HUWE1: variants seen among roughly 807,000 people sequenced by gnomAD.
HUWE1 encodes E3 ubiquitin-protein ligase HUWE1.
HUWE1 carries 18 observed loss-of-function variants against 299.4 expected under a neutral mutation model. The observed-to-expected ratio is 0.06, with a 90% CI of 0.04 to 0.09. The LOEUF is 0.09. HUWE1 is among the 10% of genes least tolerant of loss of function. The pLI, the probability that HUWE1 is intolerant of heterozygous loss-of-function variation, is 1.00. For missense variants in HUWE1, 1,832 were observed against 3,462.3 expected, an observed-to-expected ratio of 0.53 and a Z score of 11.82; for synonymous variants, 1,317 against 1,286.1, an observed-to-expected ratio of 1.02 and a Z score of -0.51.
At chrX:53,563,850 T>C (rs2062404561) in intron 51 of HUWE1, 29 bp from the exon 52 acceptor site, 1 of 1,192,554 alleles carries the variant, frequency 8.4e-7, no homozygotes, top group Non-Finnish European at 1.1e-6. Context: ...TATATATGGA[T>C]GCACACAAGT....
intron 43 of HUWE1, among the ~76,000 whole-genome samples, chrX:53,577,710 G>A (rs1177239331): frequency 8.8e-6 from 1 of 113,930 alleles, no homozygotes; most frequent in Non-Finnish European, 1.9e-5. Flanking sequence ...TTTTGGTGGA[G>A]ACGGGGTTTT....
In HUWE1 at chrX:53,612,111, G is replaced by T. The variant is rs1337991051; in HGVS notation, c.2261+2423C>A. On this transcript the variant is annotated intron_variant, in intron 23 of 83. Transcript: ENST00000262854. ...AATTGCCTGGGATAGAAGATAAAAAGAACTTTTGCTGTTAATATATTGTGG... is the reference window on the plus strand; with the variant it reads ...AATTGCCTGGGATAGAAGATAAAAATAACTTTTGCTGTTAATATATTGTGG... 2.7e-5 allele frequency among the ~76,000 whole-genome samples: 3 copies of T among 111,606 alleles called. No individual in the cohort carries two copies. In the Admixed American group the frequency reaches 2.8e-4, roughly 11 times the overall value.
At position 53,643,190 on chromosome X, in the gene HUWE1, AG is replaced by A. The variant is rs782618935; in HGVS notation, c.504+2120del. Among the ~76,000 whole-genome samples the A allele has an allele frequency of 1.2e-4, 13 of 111,895 alleles. No homozygotes were observed. The East Asian group carries it at 3.6e-3, about 31-fold the overall frequency. On this transcript the variant is annotated intron_variant, in intron 7 of 83. Transcript: ENST00000262854. ...ATACAATATTCAAAATTTTACTTTCAGGTTTATGCCATGGGGATTTTAAGAA... is the reference window on the plus strand; with the variant it reads ...ATACAATATTCAAAATTTTACTTTCAGTTTATGCCATGGGGATTTTAAGAA...
chrX:53,682,028 T>C (rs1235284200), intron 2 of HUWE1, among the ~76,000 whole-genome samples: 1 of 111,352 alleles, frequency 9.0e-6, no homozygotes, highest in African/African-American at 3.3e-5. Context: ...AAAAAAAATA[T>C]AAACGTTATA....
At chrX:53,574,037 G>T (rs1472136138) in intron 46 of HUWE1, 73 bp from the exon 47 acceptor site, 5 of 921,737 alleles carry the variant, frequency 5.4e-6, no homozygotes, top group Non-Finnish European at 7.8e-6. Flanking sequence ...AGGTGGAAAA[G>T]AATGCTATTT....
chrX:53,613,514 A>G (rs992041659), intron 23 of HUWE1, among the ~76,000 whole-genome samples: 10 of 111,576 alleles, frequency 9.0e-5, no homozygotes, highest in African/African-American at 3.3e-4. Flanking sequence ...AGAAAGATCA[A>G]TCCCATTTTC....
intron 43 of HUWE1, 23 bp downstream of exon 43, chrX:53,580,808 G>A (rs376381501): frequency 1.7e-6 from 2 of 1,202,293 alleles, no homozygotes; most frequent in Non-Finnish European, 2.3e-6. Flanking sequence ...TAATATCAAA[G>A]GCCAGGAGCA....
intron 45 of HUWE1, 28 bp downstream of exon 45, chrX:53,575,615 A>G (rs1265969028): frequency 2.5e-6 from 3 of 1,201,100 alleles, no homozygotes; most frequent in Non-Finnish European, 3.4e-6. Flanking sequence ...ATGAGAAGAA[A>G]GATAAAACGC....
intron 3 of HUWE1, among the ~76,000 whole-genome samples, chrX:53,674,140 T>C (rs2069692410): frequency 8.9e-6 from 1 of 111,956 alleles, no homozygotes; most frequent in African/African-American, 3.2e-5. Flanking sequence ...TTCTGATTAT[T>C]AGTTTGAGTA....
In HUWE1 at chrX:53,533,086, C is replaced by T. The variant is rs371420346; in HGVS notation, c.*223G>A. On this transcript the variant is annotated 3_prime_UTR_variant, in exon 84 of 84. Coordinates refer to ENST00000262854, the MANE Select transcript of HUWE1 (RefSeq NM_031407.7). ...AAACACATGGGGTGGGGATCATGGA[C>T]GGCATGGAAAGGGGAGAGAAGGTGA... is the stretch of plus-strand genomic sequence containing the variant. The T allele has an allele frequency of 3.8e-5, 16 of 423,001 alleles. No homozygotes were observed. The highest frequency in any genetic ancestry group is 7.9e-5 in the East Asian group (2 of 25,179). The allele number at this position is 423,001 out of a possible 1,213,427, so 34.9% of individuals were successfully genotyped here.
chrX:53,571,295 T>C (rs1362034329), intron 47 of HUWE1, among the ~76,000 whole-genome samples: 1 of 112,634 alleles, frequency 8.9e-6, no homozygotes, highest in Non-Finnish European at 1.9e-5. Context: ...TGAATACAAC[T>C]GGCATAAATG....
intron 43 of HUWE1, among the ~76,000 whole-genome samples, chrX:53,579,361 C>T (rs1490725694): frequency 9.5e-5 from 10 of 105,532 alleles, no homozygotes; most frequent in East Asian, 3.2e-4. Context: ...CCGCCCCATC[C>T]GGGAGGTGAG....
intron 4 of HUWE1, among the ~76,000 whole-genome samples, chrX:53,649,809 T>C (rs1557038888): frequency 1.8e-5 from 2 of 112,426 alleles, no homozygotes; most frequent in Admixed American, 9.4e-5. Flanking sequence ...AATTTTACGA[T>C]GTGTAGGTAA....
intron 3 of HUWE1, among the ~76,000 whole-genome samples, chrX:53,666,539 A>G (rs782410995): frequency 9.0e-6 from 1 of 111,617 alleles, no homozygotes; most frequent in Non-Finnish European, 1.9e-5. Context: ...TATCCTCCAC[A>G]TTGTTGCCAG....
intron 25 of HUWE1, among the ~76,000 whole-genome samples, chrX:53,606,644 C>T (rs1216197384): frequency 1.8e-5 from 2 of 111,534 alleles, no homozygotes; most frequent in Non-Finnish European, 3.8e-5. Context: ...ATTATTAGGC[C>T]TTACAAGGGA....
At chrX:53,635,957 A>G (rs2067186008) in intron 7 of HUWE1, among the ~76,000 whole-genome samples, 1 of 112,697 alleles carries the variant, frequency 8.9e-6, no homozygotes, top group Admixed American at 9.3e-5. Context: ...AAGCTTTCTC[A>G]AACTACACTT....
chrX:53,601,527 T>C (rs782127207), intron 28 of HUWE1, among the ~76,000 whole-genome samples: 2 of 110,565 alleles, frequency 1.8e-5, no homozygotes, highest in East Asian at 5.6e-4. Flanking sequence ...GCTTTCTTAA[T>C]AGTTTATCCT....
chrX:53,543,718 G>T, intron 73 of HUWE1, 123 bp downstream of exon 73: 1 of 994,696 alleles, frequency 1.0e-6, no homozygotes. Flanking sequence ...TTGTCCAGAA[G>T]CATTCATATA....
In HUWE1 at chrX:53,588,343, C is replaced by T. The variant is rs782138857; in HGVS notation, c.4614+39G>A. The T allele has an allele frequency of 7.7e-5, 91 of 1,180,019 alleles. No homozygotes were observed. In the East Asian group the frequency reaches 2.5e-3, roughly 32 times the overall value. On this transcript the variant is annotated intron_variant, in intron 37 of 83. Coordinates refer to ENST00000262854, the MANE Select transcript of HUWE1 (RefSeq NM_031407.7). ...TATGTTAAGTGTTTGATAATTCTTT[C>T]ATGAATGAATTACAAGGCCCCAAAG...
Sources: allele counts gnomAD v4.1 joint callset (sites outside exome capture counted in the v4.1 genomes callset), GRCh38; gene constraint gnomAD v4.1.1; transcripts MANE v1.5; gene names NCBI Gene and HGNC (gene_info 2026-07-23, HGNC 2026-07-21).